The following CARMIL1 variants were observed in gnomAD, a reference collection of about 807,000 sequenced individuals.
CARMIL1 encodes F-actin-uncapping protein LRRC16A.
CARMIL1 carries 90 observed loss-of-function variants against 177.1 expected under a neutral mutation model. The ratio of observed to expected loss-of-function variants is 0.51; its 90% CI spans 0.43 to 0.61. The LOEUF (loss-of-function observed/expected upper bound fraction) is 0.61, where lower values mean the gene tolerates loss of function less well. Ranked by LOEUF, CARMIL1 falls within the 20% of genes least tolerant of loss-of-function variation. The pLI is 0.00. For synonymous variants in CARMIL1, 577 were observed against 606.2 expected, an observed-to-expected ratio of 0.95 and a Z score of 0.71; for missense variants, 1,380 against 1,667.0, an observed-to-expected ratio of 0.83 and a Z score of 3.00.
chr6:25,329,345 C>T (rs1037288940), intron 2 of CARMIL1, among the ~76,000 whole-genome samples: 1 of 152,102 alleles, frequency 6.6e-6, no homozygotes, highest in Non-Finnish European at 1.5e-5. Context: ...AGCTTTCTGC[C>T]ATCCCGAAAG....
At position 25,445,189 on chromosome 6, in the gene CARMIL1, A is replaced by G. The variant is rs192835692; in HGVS notation, c.372-4709A>G. 1.3e-3 allele frequency among the ~76,000 whole-genome samples: 192 copies of G among 152,346 alleles called. 2 individuals carry two copies. Among genetic ancestry groups the G allele is most frequent in the Non-Finnish European group, 1.6e-4 (11 of 68,036 alleles). On this transcript the variant is annotated intron_variant, in intron 5 of 36. Transcript: ENST00000329474. ...AAGAAACTTCTTTCTTTGCTCATCC[A>G]TAAGAAGCAACTTCTCATTTGTTAA...
At chr6:25,564,226 C>T (rs1811366852) in intron 29 of CARMIL1, among the ~76,000 whole-genome samples, 1 of 152,168 alleles carries the variant, frequency 6.6e-6, no homozygotes, top group Non-Finnish European at 1.5e-5. Context: ...ATATTAGCCA[C>T]ACAGCAGCTC....
At chr6:25,507,547 A>G (rs1033936505) in intron 17 of CARMIL1, 21 of 152,582 alleles carry the variant, frequency 1.4e-4, no homozygotes, top group African/African-American at 4.8e-4. Flanking sequence ...TTTTTTAAGC[A>G]TTGGAAAGTA....
intron 2 of CARMIL1, among the ~76,000 whole-genome samples, chr6:25,328,529 C>G (rs1278874517): frequency 6.6e-6 from 1 of 152,056 alleles, no homozygotes; most frequent in Admixed American, 6.5e-5. Flanking sequence ...ATTTACTGTT[C>G]CTTATAGAGC....
intron 29 of CARMIL1, chr6:25,563,113 C>T (rs1393394524): frequency 2.1e-6 from 1 of 466,940 alleles, no homozygotes; most frequent in Non-Finnish European, 2.8e-6. Flanking sequence ...CAAGCAGTCA[C>T]AGATTTAATG....
intron 8 of CARMIL1, among the ~76,000 whole-genome samples, chr6:25,455,536 C>T (rs753932188): frequency 2.6e-5 from 4 of 152,140 alleles, no homozygotes; most frequent in Non-Finnish European, 5.9e-5. Flanking sequence ...TAGAATCCTG[C>T]GAGCTAGGAT....
intron 31 of CARMIL1, among the ~76,000 whole-genome samples, chr6:25,585,919 A>G (rs1221504359): frequency 6.6e-6 from 1 of 152,240 alleles, no homozygotes; most frequent in Non-Finnish European, 1.5e-5. Flanking sequence ...TTAGTACAGA[A>G]GAAAATGGAG....
intron 3 of CARMIL1, among the ~76,000 whole-genome samples, chr6:25,425,981 T>TCAGAG (rs1796247279): frequency 6.6e-6 from 1 of 152,110 alleles, no homozygotes; most frequent in South Asian, 2.1e-4. Flanking sequence ...TAGCTGAAGG[T>TCAGAG]TTAGAAAGAA....
chr6:25,296,928 TCTATCTTTAAC>T (rs1782427752), intron 2 of CARMIL1, among the ~76,000 whole-genome samples: 1 of 43,688 alleles, frequency 2.3e-5, no homozygotes, highest in Non-Finnish European at 4.0e-5. Context: ...TATCTATCTA[TCTATCTTTAAC>T]TAACTAACTA....
intron 4 of CARMIL1, among the ~76,000 whole-genome samples, 175 bp from the exon 5 acceptor site, chr6:25,435,304 ATGGT>A (rs1193015243): frequency 6.6e-6 from 1 of 152,186 alleles, no homozygotes. Flanking sequence ...CATGAGGGTG[ATGGT>A]TGGGTGTTCA....
intron 2 of CARMIL1, among the ~76,000 whole-genome samples, chr6:25,414,345 C>T (rs1345405842): frequency 2.0e-5 from 3 of 152,160 alleles, no homozygotes; most frequent in Admixed American, 6.5e-5. Context: ...AAACTAGAAA[C>T]GTCTTATACA....
chr6:25,450,458 T>C, intron 7 of CARMIL1, 49 bp downstream of exon 7: 1 of 1,451,520 alleles, frequency 6.9e-7, no homozygotes, highest in Non-Finnish European at 9.6e-7. Flanking sequence ...TCCTGGAGAA[T>C]ATTCTAATGT....
chr6:25,463,903 AGCTCTGCCTCCCGGGT>A (rs1800353479), intron 8 of CARMIL1, among the ~76,000 whole-genome samples: 1 of 142,918 alleles, frequency 7.0e-6, no homozygotes, highest in Non-Finnish European at 1.5e-5. Flanking sequence ...GCTCACTGCA[AGCTCTGCCTCCCGGGT>A]TCACGCCATT....
intron 17 of CARMIL1, among the ~76,000 whole-genome samples, chr6:25,502,664 G>A (rs372663762): frequency 6.6e-6 from 1 of 151,986 alleles, no homozygotes; most frequent in Non-Finnish European, 1.5e-5. Flanking sequence ...TATCGTGACT[G>A]CCAGCAGTCT....
intron 2 of CARMIL1, among the ~76,000 whole-genome samples, chr6:25,412,242 C>T (rs79853193): frequency 1.2e-4 from 19 of 152,198 alleles, no homozygotes; most frequent in Non-Finnish European, 2.1e-4. Flanking sequence ...TCATTTAACC[C>T]TCATCATTCC....
At chr6:25,423,651 C>T (rs72831251) in intron 3 of CARMIL1, among the ~76,000 whole-genome samples, 11,566 of 152,058 alleles carry the variant, frequency 0.076, 530 homozygotes, top group African/African-American at 0.13. Context: ...TACTGAAGAA[C>T]AGGCTCCTTA....
At chr6:25,306,255 G>T (rs1487277294) in intron 2 of CARMIL1, among the ~76,000 whole-genome samples, 1 of 152,192 alleles carries the variant, frequency 6.6e-6, no homozygotes, top group Non-Finnish European at 1.5e-5. Context: ...CTGCGGATAG[G>T]TACTGTTCCA....
intron 22 of CARMIL1, among the ~76,000 whole-genome samples, chr6:25,518,508 AG>A (rs1457526635): frequency 6.6e-6 from 1 of 152,178 alleles, no homozygotes; most frequent in Non-Finnish European, 1.5e-5. Context: ...ATCACTAAAT[AG>A]GGGTAAGGCA....
intron 5 of CARMIL1, among the ~76,000 whole-genome samples, chr6:25,443,989 G>A (rs1280049520): frequency 6.6e-6 from 1 of 152,090 alleles, no homozygotes; most frequent in Admixed American, 6.5e-5. Context: ...TTTTAGTAGA[G>A]ATGGGGTTTC....
Sources: gnomAD v4.1 joint callset for allele counts (sites outside exome capture counted in the v4.1 genomes callset) on GRCh38, gnomAD v4.1.1 for gene constraint, MANE v1.5 for transcripts, NCBI Gene and HGNC (gene_info 2026-07-23, HGNC 2026-07-21) for gene names.